Variants in RARB observed in about 807,000 individuals in gnomAD.
RARB encodes the protein retinoic acid receptor beta.
A neutral mutation model predicts 51.9 loss-of-function variants in RARB; 17 were observed. That is an observed-to-expected ratio of 0.33 (90% CI 0.22 to 0.49). The LOEUF is 0.49. Among genes scored for constraint, RARB ranks in the 20% least tolerant of loss-of-function variants. RARB has a pLI of 0.99. For missense variants in RARB, 369 were observed against 550.8 expected, an observed-to-expected ratio of 0.67 and a Z score of 3.30; for synonymous variants, 215 against 195.4, an observed-to-expected ratio of 1.10 and a Z score of -0.84.
intron 2 of RARB, among the ~76,000 whole-genome samples, chr3:25,015,006 C>G (rs1378446988): frequency 6.6e-6 from 1 of 152,068 alleles, no homozygotes. Context: ...GTCAGGAAAA[C>G]AGCGTTGTTT....
intron 2 of RARB, among the ~76,000 whole-genome samples, chr3:25,483,666 C>T (rs957272284): frequency 2.0e-5 from 3 of 151,660 alleles, no homozygotes; most frequent in Admixed American, 1.3e-4. Flanking sequence ...AAAACAAAAC[C>T]CAGAGATAAG....
chr3:25,374,768 C>A (rs1706406027), intron 5 of RARB, among the ~76,000 whole-genome samples: 2 of 152,128 alleles, frequency 1.3e-5, no homozygotes, highest in African/African-American at 4.8e-5. Context: ...TGGATTCAAC[C>A]TAAACGTGTC....
At chr3:24,983,984 A>AT (rs1696733742) in intron 2 of RARB, among the ~76,000 whole-genome samples, 1 of 152,192 alleles carries the variant, frequency 6.6e-6, no homozygotes, top group Non-Finnish European at 1.5e-5. Context: ...TTTAGTTTAC[A>AT]TTTTTTATGA....
intron 2 of RARB, among the ~76,000 whole-genome samples, chr3:24,994,313 A>ATGTT (rs60870237): frequency 0.84 from 126,917 of 151,754 alleles, 53,519 homozygotes; most frequent in East Asian, 1. Flanking sequence ...TATTTGAGAA[A>ATGTT]TGTTCGGATT....
At chr3:25,023,374 C>T (rs1697677977) in intron 2 of RARB, among the ~76,000 whole-genome samples, 2 of 152,116 alleles carry the variant, frequency 1.3e-5, no homozygotes, top group Non-Finnish European at 2.9e-5. Flanking sequence ...AAAATGATGG[C>T]TTCTTTGTCT....
chr3:25,121,331 A>T (rs1187610630), intron 3 of RARB, among the ~76,000 whole-genome samples: 1 of 152,160 alleles, frequency 6.6e-6, no homozygotes, highest in Non-Finnish European at 1.5e-5. Context: ...AGCCATAAAG[A>T]ACATTGCTCA....
At chr3:25,308,414 T>C (rs1704203933) in intron 5 of RARB, among the ~76,000 whole-genome samples, 1 of 152,044 alleles carries the variant, frequency 6.6e-6, no homozygotes, top group South Asian at 2.1e-4. Flanking sequence ...TTAAAAATTA[T>C]TGTCATTTTC....
chr3:25,231,706 T>C (rs1169906527), intron 5 of RARB, among the ~76,000 whole-genome samples: 5 of 152,214 alleles, frequency 3.3e-5, no homozygotes, highest in Non-Finnish European at 5.9e-5. Flanking sequence ...TTCATGTGTT[T>C]ACTTGCCTTC....
intron 2 of RARB, among the ~76,000 whole-genome samples, chr3:24,978,257 C>T (rs9682457): frequency 0.69 from 104,528 of 151,940 alleles, 36,339 homozygotes; most frequent in East Asian, 0.84. Flanking sequence ...ATCAGGATGA[C>T]GCTTGTCTTA....
chr3:24,902,940 G>T (rs1703638922), intron 2 of RARB, among the ~76,000 whole-genome samples: 1 of 151,988 alleles, frequency 6.6e-6, no homozygotes, highest in Admixed American at 6.6e-5. Flanking sequence ...ATTCGTAAGG[G>T]TGTTTCTAAA....
At chr3:24,890,804 C>G (rs1047792559) in intron 2 of RARB, among the ~76,000 whole-genome samples, 1 of 151,934 alleles carries the variant, frequency 6.6e-6, no homozygotes, top group African/African-American at 2.4e-5. Context: ...TTCCTACATG[C>G]CTCGGCAATA....
intron 5 of RARB, among the ~76,000 whole-genome samples, chr3:25,339,581 GTTTT>G (rs34570809): frequency 7.0e-6 from 1 of 143,840 alleles, no homozygotes; most frequent in African/African-American, 2.6e-5. Context: ...TTCAGCTGAA[GTTTT>G]TTTTTTTTTT....
intron 5 of RARB, among the ~76,000 whole-genome samples, chr3:25,225,551 ATAAT>A (rs953428045): frequency 2.0e-5 from 3 of 152,204 alleles, no homozygotes; most frequent in Non-Finnish European, 4.4e-5. Flanking sequence ...TAAATTCCCA[ATAAT>A]TAATATACCA....
intron 3 of RARB, among the ~76,000 whole-genome samples, chr3:25,076,800 C>G (rs2125311018): frequency 6.6e-6 from 1 of 152,184 alleles, no homozygotes; most frequent in East Asian, 1.9e-4. Context: ...CAAATCAGAC[C>G]AATTACCACA....
intron 2 of RARB, among the ~76,000 whole-genome samples, chr3:24,867,106 G>A (rs1399799653): frequency 6.6e-6 from 1 of 152,024 alleles, no homozygotes; most frequent in Non-Finnish European, 1.5e-5. Context: ...GGAGTAATTG[G>A]GGAAGTTTAT....
intron 1 of RARB, among the ~76,000 whole-genome samples, chr3:25,450,278 TAATA>T (rs753043891): frequency 7.1e-4 from 108 of 152,352 alleles, no homozygotes; most frequent in Non-Finnish European, 1.3e-3. Flanking sequence ...TTTCCCCAGA[TAATA>T]AATAATAATT....
At chr3:25,312,030 T>C (rs1345146675) in intron 5 of RARB, among the ~76,000 whole-genome samples, 2 of 152,246 alleles carry the variant, frequency 1.3e-5, no homozygotes, top group Non-Finnish European at 2.9e-5. Context: ...TAAATGCTTA[T>C]GTTCAAAATA....
At chr3:25,517,640 T>C (rs965979880) in intron 3 of RARB, among the ~76,000 whole-genome samples, 2 of 152,142 alleles carry the variant, frequency 1.3e-5, no homozygotes, top group Non-Finnish European at 2.9e-5. Context: ...ATTTTACTCC[T>C]AAGTATATAC....
intron 2 of RARB, among the ~76,000 whole-genome samples, chr3:24,880,086 C>T (rs556677447): frequency 6.6e-6 from 1 of 152,016 alleles, no homozygotes; most frequent in Non-Finnish European, 1.5e-5. Flanking sequence ...CTATTTTTTG[C>T]TTTCTTGCCA....
Sources: allele counts gnomAD v4.1 joint callset (sites outside exome capture counted in the v4.1 genomes callset), GRCh38; gene constraint gnomAD v4.1.1; transcripts MANE v1.5; gene names NCBI Gene and HGNC (gene_info 2026-07-23, HGNC 2026-07-21).